Variants in VWF observed in about 807,000 individuals in gnomAD.
VWF encodes the protein Factor VIII related antigen.
In VWF, 176 loss-of-function variants were observed where a neutral mutation model predicts 308.6. That is an observed-to-expected ratio of 0.57 (90% CI 0.50 to 0.65). The LOEUF is 0.65. Among genes scored for constraint, VWF ranks in the 30% least tolerant of loss-of-function variants. The probability of loss-of-function intolerance (pLI) is 0.00; values close to 1 mark genes in which losing one functional copy is unlikely to be tolerated. For missense variants in VWF, 3,146 were observed against 3,648.2 expected (o/e 0.86, Z 3.55); for synonymous variants, 1,385 against 1,443.4 (o/e 0.96, Z 0.92).
At chr12:5,963,161 A>C (rs894941782) in intron 47 of VWF, among the ~76,000 whole-genome samples, 2 of 152,234 alleles carry the variant, frequency 1.3e-5, no homozygotes, top group Non-Finnish European at 2.9e-5. Context: ...TGATCTTCAA[A>C]AGACACAATT....
intron 38 of VWF, among the ~76,000 whole-genome samples, chr12:5,986,239 T>C (rs1943679158): frequency 6.6e-6 from 1 of 152,300 alleles, no homozygotes; most frequent in African/African-American, 2.4e-5. Flanking sequence ...CAGGAACTCC[T>C]GAACTCTAAC....
chr12:5,979,978 T>G, intron 42 of VWF, among the ~76,000 whole-genome samples: 1 of 145,132 alleles, frequency 6.9e-6, no homozygotes. Context: ...GAGGTGGAGC[T>G]TGCAGTGAGC....
intron 18 of VWF, among the ~76,000 whole-genome samples, chr12:6,040,642 C>T (rs1267532263): frequency 3.9e-5 from 6 of 152,164 alleles, no homozygotes; most frequent in Non-Finnish European, 7.4e-5. Context: ...TGTGAGGTTC[C>T]GATACCATGC....
chr12:5,990,200 C>T (rs1323816612), intron 38 of VWF, among the ~76,000 whole-genome samples: 2 of 152,192 alleles, frequency 1.3e-5, no homozygotes, highest in African/African-American at 4.8e-5. Context: ...GATACCCATG[C>T]TCCAATGAAC....
chr12:6,055,075 A>T (rs1177475160), intron 15 of VWF, among the ~76,000 whole-genome samples: 1 of 152,156 alleles, frequency 6.6e-6, no homozygotes, highest in East Asian at 1.9e-4. Flanking sequence ...ACCCTATCGT[A>T]ATGCCTCAGG....
chr12:6,086,642 G>A (rs1461348158), intron 6 of VWF, among the ~76,000 whole-genome samples: 1 of 152,198 alleles, frequency 6.6e-6, no homozygotes, highest in Non-Finnish European at 1.5e-5. Context: ...AAGGAGGGAA[G>A]GCAGAAGTGG....
chr12:6,103,504 GTATATATA>G (rs200273814), intron 5 of VWF, among the ~76,000 whole-genome samples: 1 of 103,868 alleles, frequency 9.6e-6, no homozygotes, highest in African/African-American at 6.4e-5. Context: ...ATACACACAC[GTATATATA>G]TACACACATA....
rs1042011136 is a variant in VWF at position 6,036,600 on chromosome 12, C to T, written c.2443-109G>A. On this transcript the variant is annotated intron_variant, in intron 18 of 51. Coordinates refer to ENST00000261405, the MANE Select transcript of VWF (RefSeq NM_000552.5). ...TGAGACTTGAGCCTACGGGTAAGCC[C>T]AGCACTGGGACTGGCACCAGGACCA... 46 of 1,033,284 alleles carry T rather than the reference C, an allele frequency of 4.5e-5. 1 individual carries two copies. The South Asian group carries it at 6.1e-4, about 14-fold the overall frequency. The allele number at this position is 1,033,284 out of a possible 1,614,324, so 64.0% of individuals were successfully genotyped here. A position where few individuals can be genotyped will look rare whatever the true frequency, so the allele number is the denominator to read the frequency against.
At chr12:6,026,858 G>T (rs1287152809) in intron 22 of VWF, among the ~76,000 whole-genome samples, 1 of 152,084 alleles carries the variant, frequency 6.6e-6, no homozygotes, top group Non-Finnish European at 1.5e-5. Context: ...TACATGTACT[G>T]AAATATCACA....
chr12:6,072,669 T>C (rs951187509), intron 8 of VWF, among the ~76,000 whole-genome samples: 8 of 152,164 alleles, frequency 5.3e-5, no homozygotes, highest in African/African-American at 7.2e-5. Context: ...GGTCATCCAG[T>C]AGGGGAGGCA....
intron 6 of VWF, among the ~76,000 whole-genome samples, chr12:6,092,842 G>A (rs1434876818): frequency 6.6e-6 from 1 of 151,894 alleles, no homozygotes; most frequent in Admixed American, 6.6e-5. Flanking sequence ...ATGAATGTGG[G>A]ACATATGTAA....
At chr12:6,000,498 T>C (rs1455542288) in intron 34 of VWF, among the ~76,000 whole-genome samples, 7 of 152,120 alleles carry the variant, frequency 4.6e-5, no homozygotes, top group Non-Finnish European at 1.0e-4. Flanking sequence ...TCTGTACACA[T>C]AAGCCCTTCT....
chr12:6,059,333 G>C (rs1944629442), intron 13 of VWF, among the ~76,000 whole-genome samples: 1 of 152,094 alleles, frequency 6.6e-6, no homozygotes, highest in South Asian at 2.1e-4. Context: ...TTTATTGTCT[G>C]TCTCTCTCCA....
At chr12:5,977,315 G>T (rs1229796461) in intron 42 of VWF, among the ~76,000 whole-genome samples, 1 of 152,182 alleles carries the variant, frequency 6.6e-6, no homozygotes, top group Non-Finnish European at 1.5e-5. Context: ...ATAGCAAAAG[G>T]CTGAAGCAAC....
intron 4 of VWF, 125 bp downstream of exon 4, chr12:6,110,741 C>G: frequency 7.6e-7 from 1 of 1,311,352 alleles, no homozygotes; most frequent in Middle Eastern, 2.1e-4. Flanking sequence ...CTCACCCAGC[C>G]CTGCTACTCA....
intron 12 of VWF, 145 bp downstream of exon 12, chr12:6,064,101 A>T: frequency 7.4e-7 from 1 of 1,344,526 alleles, no homozygotes; most frequent in Non-Finnish European, 1.0e-6. Flanking sequence ...CAAGCACCCC[A>T]CCCTGCCCTC....
chr12:6,045,034 A>T (rs1285502863), intron 17 of VWF, among the ~76,000 whole-genome samples: 3 of 152,156 alleles, frequency 2.0e-5, no homozygotes, highest in African/African-American at 7.2e-5. Flanking sequence ...TCTTCTCACC[A>T]TCTGATATAC....
Position 6,016,887 on chromosome 12 carries a change from G to A in VWF, c.5054-17C>T. On this transcript the variant is annotated splice_polypyrimidine_tract_variant and intron_variant, in intron 28 of 51. Coordinates refer to ENST00000261405, the MANE Select transcript of VWF (RefSeq NM_000552.5). ...GGCTGCAGTCTGCAAAGACAACCAG[G>A]AAGGTGAGCACACAGGTGCCAGCAG... 1.2e-6 allele frequency: 2 copies of A among 1,612,990 alleles called. No individual in the cohort carries two copies. The highest frequency in any genetic ancestry group is 1.7e-6 in the Non-Finnish European group (2 of 1,179,242).
rs574261750 is a variant in VWF, at chr12:6,075,055, T to C, written c.874+280A>G. ...TGGGAAGCAGAGAACACTGTGTGAG[T>C]GCAGGGGTCGGATTTCCTGAGGGAA... On this transcript the variant is annotated intron_variant, in intron 7 of 51. Transcript: ENST00000261405. The surrounding 1 kb of genome is among the most constrained non-coding windows in gnomAD (Gnocchi z 4.7). Among the ~76,000 whole-genome samples, 3 of 130,356 alleles carry C rather than the reference T, an allele frequency of 2.3e-5. No homozygotes were observed. In the South Asian group the frequency reaches 7.3e-4, roughly 32 times the overall value. The allele number at this position is 130,356 out of a possible 152,430, so 85.5% of individuals were successfully genotyped here.
Sources: gnomAD v4.1 joint callset for allele counts (sites outside exome capture counted in the v4.1 genomes callset) on GRCh38, gnomAD v4.1.1 for gene constraint, Gnocchi (gnomAD v3.1) non-coding constraint, MANE v1.5 for transcripts, NCBI Gene and HGNC (gene_info 2026-07-23, HGNC 2026-07-21) for gene names.